The following SLC8A1 variants were observed in gnomAD, a reference collection of about 807,000 sequenced individuals.
SLC8A1 encodes the protein solute carrier family 8 member A1.
A neutral mutation model predicts 68.3 loss-of-function variants in SLC8A1; 18 were observed. The observed-to-expected ratio is 0.26, with a 90% confidence interval of 0.18 to 0.39. The LOEUF (loss-of-function observed/expected upper bound fraction) is 0.39. SLC8A1 is among the 10% of genes least tolerant of loss of function. The pLI is 1.00. For synonymous variants in SLC8A1, 475 were observed against 415.5 expected, an observed-to-expected ratio of 1.14 and a Z score of -1.74; for missense variants, 985 against 1,156.7, an observed-to-expected ratio of 0.85 and a Z score of 2.15.
intron 2 of SLC8A1, among the ~76,000 whole-genome samples, chr2:40,425,872 C>T (rs1696718849): frequency 6.6e-6 from 1 of 152,002 alleles, no homozygotes; most frequent in Admixed American, 6.6e-5. Context: ...AATCCCATTA[C>T]TGGGTATATA....
At chr2:40,258,106 C>A (rs2064187740) in intron 2 of SLC8A1, among the ~76,000 whole-genome samples, 1 of 152,176 alleles carries the variant, frequency 6.6e-6, no homozygotes, top group South Asian at 2.1e-4. Flanking sequence ...ATCCCCTGCA[C>A]AGGCCTGTAA....
chr2:40,248,180 A>G (rs966343457), intron 2 of SLC8A1, among the ~76,000 whole-genome samples: 2 of 152,212 alleles, frequency 1.3e-5, no homozygotes, highest in African/African-American at 4.8e-5. Context: ...GTTCTCAACT[A>G]TGGATTAAAA....
At chr2:40,154,458 C>A (rs1292060692) in intron 6 of SLC8A1, among the ~76,000 whole-genome samples, 5 of 147,740 alleles carry the variant, frequency 3.4e-5, no homozygotes, top group Non-Finnish European at 7.5e-5. Flanking sequence ...CACCTGCCAC[C>A]ATGCCCGGCT....
At chr2:40,425,124 G>C (rs1696513153) in intron 2 of SLC8A1, among the ~76,000 whole-genome samples, 1 of 151,718 alleles carries the variant, frequency 6.6e-6, no homozygotes, top group Non-Finnish European at 1.5e-5. Context: ...CATTGATTGA[G>C]TTTATAAAAA....
chr2:40,322,417 G>A (rs182776495), intron 2 of SLC8A1, among the ~76,000 whole-genome samples: 50 of 151,384 alleles, frequency 3.3e-4, no homozygotes, highest in African/African-American at 1.1e-3. Flanking sequence ...CAGTGCTTTG[G>A]GAGGCCATGG....
intron 2 of SLC8A1, among the ~76,000 whole-genome samples, chr2:40,198,468 A>G: frequency 6.6e-6 from 1 of 152,118 alleles, no homozygotes; most frequent in Middle Eastern, 3.4e-3. Context: ...ATTAATTCAT[A>G]TCACTTCTAT....
chr2:40,378,194 T>C (rs569256087), intron 2 of SLC8A1, among the ~76,000 whole-genome samples: 3 of 152,232 alleles, frequency 2.0e-5, no homozygotes, highest in South Asian at 2.1e-4. Flanking sequence ...ATATTTCATA[T>C]TGATAAGTGC....
chr2:40,390,573 C>G (rs1418860779), intron 2 of SLC8A1, among the ~76,000 whole-genome samples: 1 of 152,062 alleles, frequency 6.6e-6, no homozygotes, highest in African/African-American at 2.4e-5. Flanking sequence ...GTTCAGCAAT[C>G]TGTATTTTAA....
intron 4 of SLC8A1, among the ~76,000 whole-genome samples, chr2:40,168,786 G>C (rs536820848): frequency 2.0e-5 from 3 of 152,242 alleles, no homozygotes; most frequent in South Asian, 4.1e-4. Context: ...AGTTTTCTCA[G>C]ATGGAAAATA....
At chr2:40,188,778 G>A (rs1225513327) in intron 2 of SLC8A1, among the ~76,000 whole-genome samples, 1 of 152,096 alleles carries the variant, frequency 6.6e-6, no homozygotes, top group African/African-American at 2.4e-5. Flanking sequence ...CTCTTTCTCT[G>A]TTTTCCCTCC....
chr2:40,176,664 G>A (rs1245992399), intron 3 of SLC8A1, among the ~76,000 whole-genome samples: 1 of 152,138 alleles, frequency 6.6e-6, no homozygotes, highest in Non-Finnish European at 1.5e-5. Flanking sequence ...AACATGGGAT[G>A]AACGTGGGAT....
chr2:40,441,340 T>C (rs1700439542), intron 1 of SLC8A1, among the ~76,000 whole-genome samples: 1 of 151,532 alleles, frequency 6.6e-6, no homozygotes, highest in Admixed American at 6.6e-5. Flanking sequence ...TGAAAGCAAT[T>C]TATAGATACA....
At chr2:40,503,923 G>A (rs759936348) in intron 1 of SLC8A1, among the ~76,000 whole-genome samples, 15 of 151,820 alleles carry the variant, frequency 9.9e-5, no homozygotes, top group African/African-American at 9.7e-5. Flanking sequence ...TCAAAATGCC[G>A]ATGACATTCT....
Position 40,413,608 on chromosome 2 carries a change from T to C in SLC8A1, c.1808+14865A>G, listed in dbSNP as rs1476821102. 3.3e-5 allele frequency among the ~76,000 whole-genome samples: 5 copies of C among 152,208 alleles called. No individual in the cohort carries two copies. In the East Asian group the frequency reaches 5.8e-4, roughly 18 times the overall value. Reference sequence around the variant, plus strand: ...CTATACTTGTTTTCCCTCCAAATTATATGAAAGTCTTATTTCAAATGCAAG... The same window carrying C: ...CTATACTTGTTTTCCCTCCAAATTACATGAAAGTCTTATTTCAAATGCAAG... On this transcript the variant is annotated intron_variant, in intron 2 of 7. Transcript: ENST00000406785.
intron 1 of SLC8A1, among the ~76,000 whole-genome samples, chr2:40,446,138 C>A (rs1334437588): frequency 6.6e-6 from 1 of 152,146 alleles, no homozygotes; most frequent in African/African-American, 2.4e-5. Context: ...AAATAAAAAC[C>A]ACCTACCCTA....
chr2:40,107,983 A>G (rs1438701478), exon 8 of SLC8A1: 1 of 152,234 alleles, frequency 6.6e-6, no homozygotes, highest in Non-Finnish European at 1.5e-5. Context: ...CCAGTGTATT[A>G]GAAGCCTTCT....
chr2:40,452,998 A>C (rs1702739618), upstream of SLC8A1, among the ~76,000 whole-genome samples: 1 of 152,172 alleles, frequency 6.6e-6, no homozygotes, highest in African/African-American at 2.4e-5. Flanking sequence ...TATCATTGCC[A>C]ATAAATCACT....
At chr2:40,184,880 A>G (rs1323976961) in intron 2 of SLC8A1, among the ~76,000 whole-genome samples, 1 of 147,334 alleles carries the variant, frequency 6.8e-6, no homozygotes, top group Non-Finnish European at 1.5e-5. Context: ...CAGCTTACAA[A>G]GACAAACTAA....
At chr2:40,410,697 G>A (rs890352928) in intron 2 of SLC8A1, among the ~76,000 whole-genome samples, 5 of 151,812 alleles carry the variant, frequency 3.3e-5, no homozygotes, top group Non-Finnish European at 5.9e-5. Context: ...ATTTTTTGTG[G>A]TGACATGCTA....
Sources: allele counts gnomAD v4.1 joint callset (sites outside exome capture counted in the v4.1 genomes callset), GRCh38; gene constraint gnomAD v4.1.1; transcripts MANE v1.5; gene names NCBI Gene and HGNC (gene_info 2026-07-23, HGNC 2026-07-21).